CHRNB1: variants seen among roughly 807,000 people sequenced by gnomAD.
The protein encoded by CHRNB1 is cholinergic receptor nicotinic beta 1 subunit, also known as acetylcholine receptor subunit beta.
CHRNB1 carries 47 observed loss-of-function variants against 53.8 expected under a neutral mutation model. The observed-to-expected ratio is 0.87, with a 90% CI of 0.69 to 1.11. The LOEUF (loss-of-function observed/expected upper bound fraction) is 1.11. Ranked by LOEUF, CHRNB1 falls within the 50% of genes most tolerant of loss-of-function variation. The probability of loss-of-function intolerance (pLI) is 0.00; values close to 1 mark genes in which losing one functional copy is unlikely to be tolerated. For missense variants in CHRNB1, 605 were observed against 654.9 expected, an observed-to-expected ratio of 0.92 and a Z score of 0.83; for synonymous variants, 259 against 263.5, an observed-to-expected ratio of 0.98 and a Z score of 0.16.
At chr17:7,455,533 C>A in intron 9 of CHRNB1, 77 bp downstream of exon 9, 1 of 1,562,452 alleles carries the variant, frequency 6.4e-7, no homozygotes, top group East Asian at 2.2e-5. Context: ...GAAGAAGCGG[C>A]CCATGCTCTC....
chr17:7,448,634 C>T lies in CHRNB1; in HGVS notation c.666C>T (p.Gly222=), dbSNP rs148897414. Residue 222 remains glycine, a synonymous_variant, in exon 7 of 11, where the codon GGC becomes GGT. Transcript: ENST00000306071. The stretch of plus-strand genomic sequence containing the variant: ...CCTCTCGGCTAATCCAGCCTCCAGG[C>T]GATCCTAGGGGAGGGAGGGAAGGAC... ...HKPSRLIQPP[G]DPRGGREGQR... 8.1e-6 allele frequency: 13 copies of T among 1,614,138 alleles called. No homozygotes were observed. Among genetic ancestry groups the T allele is most frequent in the African/African-American group, 6.7e-5 (5 of 75,030 alleles).
At chr17:7,456,049 CTTTTT>C (rs528936191) in intron 10 of CHRNB1, 108 bp downstream of exon 10, 188 of 527,268 alleles carry the variant, frequency 3.6e-4, no homozygotes, top group East Asian at 1.7e-3. Flanking sequence ...TTTTTTTTGG[CTTTTT>C]TTTTTTTTTT....
chr17:7,450,220 T>C (rs1313354219), intron 7 of CHRNB1, among the ~76,000 whole-genome samples: 2 of 151,454 alleles, frequency 1.3e-5, no homozygotes, highest in Non-Finnish European at 2.9e-5. Context: ...CTTGGCTCAC[T>C]GCAACCTCCA....
chr17:7,453,829 G>A (rs1437745034), intron 7 of CHRNB1, among the ~76,000 whole-genome samples: 2 of 151,870 alleles, frequency 1.3e-5, no homozygotes, highest in African/African-American at 4.8e-5. Flanking sequence ...GGGAGGCCAA[G>A]GTGGGTGGAT....
At chr17:7,448,939 C>A in intron 7 of CHRNB1, 151 bp downstream of exon 7, 1 of 795,938 alleles carries the variant, frequency 1.3e-6, no homozygotes, top group Non-Finnish European at 2.1e-6. Context: ...TTGACTGCCA[C>A]CTTTCCTCCG....
intron 7 of CHRNB1, among the ~76,000 whole-genome samples, chr17:7,449,553 A>G (rs112623133): frequency 0.16 from 24,409 of 151,220 alleles, 2,150 homozygotes; most frequent in South Asian, 0.22. Flanking sequence ...GACCACAAGC[A>G]CCCACAATCA....
intron 3 of CHRNB1, chr17:7,446,570 G>C (rs919736839): frequency 1.8e-6 from 1 of 563,796 alleles, no homozygotes; most frequent in African/African-American, 1.9e-5. Context: ...ACTGCAGTTT[G>C]AAAACCGTTT....
At position 7,446,303 on chromosome 17, in the gene CHRNB1, TTG is replaced by T. The variant is rs370471983; in HGVS notation, c.243+212_243+213del. 8.4e-3 allele frequency: 4,017 copies of T among 477,684 alleles called. 153 individuals are homozygous for T. Among genetic ancestry groups the T allele is most frequent in the African/African-American group, 0.077 (3,362 of 43,746 alleles). 29.6% of individuals were successfully genotyped at this position (477,684 alleles called of 1,614,324 possible). A position where few individuals can be genotyped will look rare whatever the true frequency, so the allele number is the denominator to read the frequency against. ...ACCCCATGCATTTTTAATTCCAATTTTGTGTGTGTGTGTGTGTGTGTGTCTGT... is the reference window on the plus strand; with the variant it reads ...ACCCCATGCATTTTTAATTCCAATTTTGTGTGTGTGTGTGTGTGTGTCTGT... On this transcript the variant is annotated intron_variant, in intron 3 of 10. Transcript: ENST00000306071.
chr17:7,447,256 A>C, intron 5 of CHRNB1, 105 bp downstream of exon 5: 1 of 1,021,568 alleles, frequency 9.8e-7, no homozygotes, highest in Non-Finnish European at 1.5e-6. Context: ...TTCCCCCATT[A>C]TCTAATCCCC....
At chr17:7,455,600 AG>A (rs1222570881) in intron 9 of CHRNB1, 144 bp downstream of exon 9, 1 of 1,251,518 alleles carries the variant, frequency 8.0e-7, no homozygotes, top group African/African-American at 1.5e-5. Flanking sequence ...GCTCACTTTG[AG>A]GGGAGGTGGG....
intron 6 of CHRNB1, among the ~76,000 whole-genome samples, chr17:7,448,074 CAAAAAAAAAAAAAAAAAA>C (rs71157286): frequency 1.2e-4 from 2 of 16,698 alleles, no homozygotes; most frequent in African/African-American, 3.7e-4. Context: ...AAGTTCGTCT[CAAAAAAAAAAAAAAAAAA>C]AAAAAAAAAA....
rs1909000341 is a variant in CHRNB1 at position 7,454,475 on chromosome 17, C to T, written c.999C>T (p.His333=). The T allele has an allele frequency of 6.2e-7, 1 of 1,614,008 alleles. No individual in the cohort carries two copies. Among genetic ancestry groups the T allele is most frequent in the Non-Finnish European group, 8.5e-7 (1 of 1,180,048 alleles). ...VILSVVVLNL[H]HRSPHTHQMP... ...TTAGTGTCGTGGTTCTCAACCTGCA[C>T]CACCGCTCACCCCACACCCACCAAA... The change falls in exon 8 of 11, where the codon CAC becomes CAT. Residue 333 remains histidine (H), a synonymous_variant. Coordinates refer to ENST00000306071, the MANE Select transcript of CHRNB1 (RefSeq NM_000747.3).
intron 3 of CHRNB1, 161 bp from the exon 4 acceptor site, chr17:7,446,672 C>T: frequency 3.2e-6 from 2 of 623,436 alleles, no homozygotes; most frequent in Non-Finnish European, 5.7e-6. Context: ...TGGATCCCAG[C>T]GAGTGAAGGC....
At position 7,455,449 on chromosome 17, in the gene CHRNB1, C is replaced by G; in HGVS notation, c.1210C>G (p.Pro404Ala). Residue 404 changes from proline to alanine, a missense_variant, in exon 9 of 11, where the codon CCC becomes GCC. Physicochemically the swap from Pro to Ala is conservative, Grantham distance 27. Transcript: ENST00000306071. ...GCCAAGTGATTTTCTCTTCCCCAAA[C>G]CCAATAGGTAGGACTACGCCCGTTA... ...KPPSDFLFPK[P>A]NRFQPELSAP... 4 of 1,614,016 alleles carry G rather than the reference C, an allele frequency of 2.5e-6. No homozygotes were observed. Among genetic ancestry groups the G allele is most frequent in the Non-Finnish European group, 3.4e-6 (4 of 1,179,984 alleles).
At chr17:7,447,414 C>T (rs1176263556) in intron 5 of CHRNB1, 89 bp from the exon 6 acceptor site, 10 of 1,490,936 alleles carry the variant, frequency 6.7e-6, no homozygotes, top group Non-Finnish European at 9.3e-6. Context: ...CCATGATTTC[C>T]CTTCTCTGTG....
At chr17:7,447,728 A>G in intron 6 of CHRNB1, 78 bp downstream of exon 6, 3 of 1,547,910 alleles carry the variant, frequency 1.9e-6, no homozygotes, top group Non-Finnish European at 1.8e-6. Flanking sequence ...ACTGTCAGTG[A>G]TGCCCAATAT....
rs58239884 is a variant in CHRNB1 at position 7,446,327 on chromosome 17, C to CTGTG, written c.243+257_243+260dup. Reference sequence around the variant, plus strand: ...TTTGTGTGTGTGTGTGTGTGTGTGTCTGTGTGTGTGTGTGTGTGTGTGTGT... The same window carrying CTGTG: ...TTTGTGTGTGTGTGTGTGTGTGTGTCTGTGTGTGTGTGTGTGTGTGTGTGTGTGT... On this transcript the variant is annotated intron_variant, in intron 3 of 10. Coordinates refer to ENST00000306071, the MANE Select transcript of CHRNB1 (RefSeq NM_000747.3). 0.013 allele frequency: 3,109 copies of CTGTG among 234,732 alleles called. 35 individuals carry two copies. Among genetic ancestry groups the CTGTG allele is most frequent in the East Asian group, 0.037 (398 of 10,664 alleles). 14.5% of individuals were successfully genotyped at this position (234,732 alleles called of 1,614,324 possible). A position where few individuals can be genotyped will look rare whatever the true frequency, so the allele number is the denominator to read the frequency against.
intron 6 of CHRNB1, among the ~76,000 whole-genome samples, chr17:7,448,074 CAAAAAAAAAAAA>C (rs71157286): frequency 3.6e-4 from 6 of 16,692 alleles, no homozygotes; most frequent in South Asian, 0.011. Context: ...AAGTTCGTCT[CAAAAAAAAAAAA>C]AAAAAAAAAA....
intron 6 of CHRNB1, 89 bp from the exon 7 acceptor site, chr17:7,448,490 C>G: frequency 7.9e-7 from 1 of 1,261,092 alleles, no homozygotes; most frequent in Non-Finnish European, 1.1e-6. Context: ...TCAGCCCTCT[C>G]AGGTCTAGGC....
Sources: allele counts gnomAD v4.1 joint callset (sites outside exome capture counted in the v4.1 genomes callset), GRCh38; gene constraint gnomAD v4.1.1; transcripts MANE v1.5; gene names NCBI Gene and HGNC (gene_info 2026-07-23, HGNC 2026-07-21).